SLC9A3: variants seen among roughly 807,000 people sequenced by gnomAD.
SLC9A3 encodes the protein solute carrier family 9 member A3.
SLC9A3 carries 37 observed loss-of-function variants against 86.8 expected under a neutral mutation model. The ratio of observed to expected loss-of-function variants is 0.43; its 90% CI spans 0.33 to 0.56. The LOEUF is 0.56. SLC9A3 is among the 20% of genes least tolerant of loss of function. SLC9A3 has a pLI of 0.06. For missense variants in SLC9A3, 1,011 were observed against 1,171.9 expected, an observed-to-expected ratio of 0.86 and a Z score of 2.00; for synonymous variants, 581 against 528.3, an observed-to-expected ratio of 1.10 and a Z score of -1.37.
At chr5:477,093 C>CTCTTG in intron 11 of SLC9A3, 2 of 517,138 alleles carry the variant, frequency 3.9e-6, no homozygotes, top group South Asian at 2.8e-5. Context: ...GCAAACACGT[C>CTCTTG]AGGCCTGGCC....
chr5:479,763 T>C, intron 10 of SLC9A3, 73 bp downstream of exon 10: 1 of 1,218,096 alleles, frequency 8.2e-7, no homozygotes, highest in South Asian at 1.3e-5. Context: ...CTCTCCTCAC[T>C]GCCCCATGGC....
In SLC9A3 at chr5:473,162, A is replaced by AGGCCCCGCCCCCGGCGCC; in HGVS notation, c.*216_*217insGGCGCCGGGGGCGGGGCC. ...GGCGCTCCGGCCCCGCCCCCGGCGC[A>AGGCCCCGCCCCCGGCGCC]GGCCCCGCCCCCGGCTCGCCCTCGG... On this transcript the variant is annotated 3_prime_UTR_variant, in exon 17 of 17. Transcript: ENST00000264938. 2.5e-6 allele frequency: 1 copy of AGGCCCCGCCCCCGGCGCC among 407,744 alleles called. No homozygotes were observed. The highest frequency in any genetic ancestry group is 1.1e-4 in the South Asian group (1 of 9,110). 25.3% of individuals were successfully genotyped at this position (407,744 alleles called of 1,614,324 possible).
intron 1 of SLC9A3, among the ~76,000 whole-genome samples, chr5:518,671 C>T (rs556817595): frequency 1.3e-5 from 2 of 152,286 alleles, no homozygotes; most frequent in South Asian, 4.1e-4. Flanking sequence ...CTGGAGAAGC[C>T]GGCAGTGGGG....
At chr5:499,216 G>A (rs2126637747) in intron 1 of SLC9A3, among the ~76,000 whole-genome samples, 1 of 152,384 alleles carries the variant, frequency 6.6e-6, no homozygotes, top group East Asian at 1.9e-4. Context: ...GTGAAACCAA[G>A]AACTCAATTG....
rs1738499275 is a variant in SLC9A3 at position 473,276 on chromosome 5, T to G, written c.*103A>C. 2 of 1,224,024 alleles carry G rather than the reference T, an allele frequency of 1.6e-6. No homozygotes were observed. The highest frequency in any genetic ancestry group is 2.1e-6 in the Non-Finnish European group (2 of 963,078). 75.8% of individuals were successfully genotyped at this position (1,224,024 alleles called of 1,614,324 possible). A position where few individuals can be genotyped will look rare whatever the true frequency, so the allele number is the denominator to read the frequency against. ...CGGGGCTCGGGGCTCGCGGTCGCTG[T>G]AGCCGCGCGGGGATCTGGGGTTTCT... is the stretch of plus-strand genomic sequence containing the variant. On this transcript the variant is annotated 3_prime_UTR_variant, in exon 17 of 17. Coordinates refer to ENST00000264938, the MANE Select transcript of SLC9A3 (RefSeq NM_004174.4).
In SLC9A3 at chr5:484,686, CGAA is replaced by C; in HGVS notation, c.763_765del (p.Phe255del). 2 of 1,612,964 alleles carry C rather than the reference CGAA, an allele frequency of 1.2e-6. No individual in the cohort carries two copies. Among genetic ancestry groups the C allele is most frequent in the Non-Finnish European group, 1.7e-6 (2 of 1,179,938 alleles). On this transcript the variant is annotated inframe_deletion, in exon 5 of 17. Coordinates refer to ENST00000264938, the MANE Select transcript of SLC9A3 (RefSeq NM_004174.4). ...ACCAGCGTGCCCCCCAGGCTCACCA[CGAA>C]GAAGGACACTGGGTAGAGGACGCCC...
In SLC9A3 at chr5:488,318, C is replaced by T. The variant is rs149018338; in HGVS notation, c.673G>A (p.Val225Met). Residue 225 changes from valine (V) to methionine (M), a missense_variant and splice_region_variant, in exon 3 of 17, where the codon GTG (valine) becomes ATG (methionine). Val to Met is a conservative substitution (Grantham distance 21). Around this residue, in one of 3 missense-constraint regions of SLC9A3, gnomAD observed 565 missense variants for 790.0 expected, o/e 0.72. Coordinates refer to ENST00000264938, the MANE Select transcript of SLC9A3 (RefSeq NM_004174.4). ...GESLLNDAVT[V>M]VLYNVFESFV... ...GGAGCGGTGGCTCCGTTGCTCACCA[C>T]GGTGACTGCGTCGTTCAGCAGCGAC... is the stretch of plus-strand genomic sequence containing the variant. The T allele has an allele frequency of 1.5e-5, 24 of 1,612,418 alleles. No homozygotes were observed. Among genetic ancestry groups the T allele is most frequent in the African/African-American group, 1.2e-4 (9 of 74,920 alleles).
intron 11 of SLC9A3, 45 bp downstream of exon 11, chr5:477,287 G>C: frequency 7.2e-7 from 1 of 1,392,378 alleles, no homozygotes; most frequent in Non-Finnish European, 1.0e-6. Context: ...CAGCTCCCGA[G>C]GCTGGGCTCT....
At chr5:475,415 C>A in intron 15 of SLC9A3, 146 bp downstream of exon 15, 1 of 629,406 alleles carries the variant, frequency 1.6e-6, no homozygotes, top group Non-Finnish European at 2.8e-6. Context: ...AGGGGGCACT[C>A]AGTGGGTGCC....
chr5:502,376 C>G (rs544374625), intron 1 of SLC9A3, among the ~76,000 whole-genome samples: 52 of 152,326 alleles, frequency 3.4e-4, no homozygotes, highest in African/African-American at 1.3e-3. Flanking sequence ...GAGGAAAGAC[C>G]TGGATGCAGA....
intron 9 of SLC9A3, 24 bp from the exon 10 acceptor site, chr5:479,989 G>T (rs1246404403): frequency 6.2e-7 from 1 of 1,606,208 alleles, no homozygotes; most frequent in Non-Finnish European, 8.5e-7. Context: ...CCTTGGGTGT[G>T]AGCCTCAGGT....
chr5:515,651 ACACACATCCCGCTGCTCCTGAAACACC>A (rs889016926), intron 1 of SLC9A3, among the ~76,000 whole-genome samples: 2 of 151,272 alleles, frequency 1.3e-5, no homozygotes, highest in African/African-American at 4.9e-5. Context: ...TCAGACACAC[ACACACATCCCGCTGCTCCTGAAACACC>A]CACACATTAC....
In SLC9A3 at chr5:522,098, A is replaced by G. The variant is rs368471969; in HGVS notation, c.211+2014T>C. On this transcript the variant is annotated intron_variant, in intron 1 of 16. Coordinates refer to ENST00000264938, the MANE Select transcript of SLC9A3 (RefSeq NM_004174.4). ...GTGGGATACCGCGATGAGCTCCCAC[A>G]GCTGCACAGGGTAAGGCTCGCCTTC... Among the ~76,000 whole-genome samples the G allele has an allele frequency of 6.6e-4, 59 of 89,772 alleles. 2 individuals carry two copies. The South Asian group carries it at 0.02, about 30-fold the overall frequency. 58.9% of individuals were successfully genotyped at this position (89,772 alleles called of 152,430 possible). A position where few individuals can be genotyped will look rare whatever the true frequency, so the allele number is the denominator to read the frequency against.
In SLC9A3 at chr5:475,654, T is replaced by C. The variant is rs145183553; in HGVS notation, c.2158A>G (p.Thr720Ala). The change falls in exon 15 of 17, where the codon ACC becomes GCC. Residue 720 changes from threonine (T) to alanine (A), a missense_variant. This residue lies in a region of SLC9A3 where 397 missense variants were observed against 346.3 expected (regional missense o/e 1.15). Coordinates refer to ENST00000264938, the MANE Select transcript of SLC9A3 (RefSeq NM_004174.4). ...TCATCATAGTTGGGGGGCTCCTCGG[T>C]GTCTGAAAGTTCCAAGTCTGGGGAA... ...IKEKDLELSD[T>A]EEPPNYDEEM... 459 of 1,550,186 alleles carry C rather than the reference T, an allele frequency of 3.0e-4. 1 individual carries two copies. The African/African-American group carries it at 5.8e-3, about 19-fold the overall frequency.
rs911473285 is a variant in SLC9A3 at position 496,450 on chromosome 5, G to T, written c.212-4379C>A. 1.3e-4 allele frequency among the ~76,000 whole-genome samples: 20 copies of T among 152,230 alleles called. No homozygotes were observed. The highest frequency in any genetic ancestry group is 1.3e-3 in the Admixed American group (20 of 15,290). On this transcript the variant is annotated intron_variant, in intron 1 of 16. Transcript: ENST00000264938. The surrounding 1 kb of genome is among the most constrained non-coding windows in gnomAD (Gnocchi z 4.7). ...ACGACCCCGTTCTGTGAAAGTGTCG[G>T]CTTGCTCCCCTGCCGGGCACTGATC...
intron 16 of SLC9A3, 60 bp from the exon 17 acceptor site, chr5:473,442 TC>T: frequency 3.8e-6 from 5 of 1,312,576 alleles, no homozygotes; most frequent in South Asian, 2.0e-5. Context: ...GGGAGGGGCG[TC>T]CCCGGGGGCC....
rs116337836 is a variant in SLC9A3, at chr5:502,485, T to G, written c.212-10414A>C. ...TACCAGGGGCCGCAGCGGAGCACAGTCCCCGGCAAGACACCGGTCGCAACG... is the reference window on the plus strand; with the variant it reads ...TACCAGGGGCCGCAGCGGAGCACAGGCCCCGGCAAGACACCGGTCGCAACG... On this transcript the variant is annotated intron_variant, in intron 1 of 16. Transcript: ENST00000264938. Among the ~76,000 whole-genome samples, 1,125 of 152,052 alleles carry G rather than the reference T, an allele frequency of 7.4e-3. 14 individuals are homozygous for G. Among genetic ancestry groups the G allele is most frequent in the African/African-American group, 0.026 (1,057 of 41,432 alleles).
intron 1 of SLC9A3, among the ~76,000 whole-genome samples, chr5:511,791 G>A (rs1740878833): frequency 6.6e-6 from 1 of 152,226 alleles, no homozygotes; most frequent in Non-Finnish European, 1.5e-5. Context: ...CGCAGGAGTT[G>A]AAATCCTCCG....
At chr5:475,935 A>C (rs1240219823) in intron 14 of SLC9A3, 85 bp downstream of exon 14, 2 of 1,209,824 alleles carry the variant, frequency 1.7e-6, no homozygotes, top group African/African-American at 3.0e-5. Flanking sequence ...GAAGGTCCTG[A>C]GAGGGGAGGT....
Sources: gnomAD v4.1 joint callset for allele counts (sites outside exome capture counted in the v4.1 genomes callset) on GRCh38, gnomAD v4.1.1 for gene constraint, gnomAD v4.1.1 regional missense constraint, Gnocchi (gnomAD v3.1) non-coding constraint, MANE v1.5 for transcripts, NCBI Gene and HGNC (gene_info 2026-07-23, HGNC 2026-07-21) for gene names.